NCOA3: variants seen among roughly 807,000 people sequenced by gnomAD.
NCOA3 encodes nuclear receptor coactivator 3.
In NCOA3, 51 loss-of-function variants were observed where a neutral mutation model predicts 158.8. The observed-to-expected ratio is 0.32, with a 90% CI of 0.26 to 0.41. NCOA3 has a LOEUF of 0.41. Among genes scored for constraint, NCOA3 ranks in the 10% least tolerant of loss-of-function variants. The probability of loss-of-function intolerance (pLI) is 1.00; values close to 1 mark genes in which losing one functional copy is unlikely to be tolerated. For missense variants in NCOA3, 1,510 were observed against 1,746.6 expected, an observed-to-expected ratio of 0.86 and a Z score of 2.41; for synonymous variants, 537 against 592.4, an observed-to-expected ratio of 0.91 and a Z score of 1.36.
chr20:47,541,280 A>C (rs1352377352), intron 1 of NCOA3, among the ~76,000 whole-genome samples: 1 of 148,210 alleles, frequency 6.7e-6, no homozygotes, highest in Admixed American at 6.9e-5. Context: ...GGGTGGAAAC[A>C]AGCATTAATC....
At chr20:47,554,116 T>C (rs2084965474) in intron 1 of NCOA3, among the ~76,000 whole-genome samples, 1 of 152,336 alleles carries the variant, frequency 6.6e-6, no homozygotes, top group South Asian at 2.1e-4. Context: ...TGGTATCTCA[T>C]TGTGGTTTTG....
At chr20:47,646,928 G>C (rs1397651362) in intron 17 of NCOA3, 145 bp from the exon 18 acceptor site, 2 of 671,450 alleles carry the variant, frequency 3.0e-6, no homozygotes, top group African/African-American at 3.6e-5. Flanking sequence ...TCCTTAGCAT[G>C]TAGAGAAGTG....
At chr20:47,517,430 C>CT (rs1283861824) in intron 1 of NCOA3, among the ~76,000 whole-genome samples, 3 of 148,114 alleles carry the variant, frequency 2.0e-5, no homozygotes, top group Non-Finnish European at 4.5e-5. Flanking sequence ...ACATTTTCTT[C>CT]TTTTTTTCTT....
chr20:47,503,294 T>A (rs1176704166), intron 1 of NCOA3, among the ~76,000 whole-genome samples: 2 of 152,242 alleles, frequency 1.3e-5, no homozygotes, highest in East Asian at 3.8e-4. Flanking sequence ...CAGCGAATGC[T>A]GCACAAACGA....
At chr20:47,581,821 A>G (rs773068373) in intron 1 of NCOA3, among the ~76,000 whole-genome samples, 10 of 152,210 alleles carry the variant, frequency 6.6e-5, no homozygotes, top group Admixed American at 2.6e-4. Flanking sequence ...ATTGTAGATT[A>G]TTTTGAAGAA....
intron 1 of NCOA3, among the ~76,000 whole-genome samples, chr20:47,546,555 GAAT>G (rs1568671562): frequency 1.5e-5 from 2 of 131,728 alleles, no homozygotes; most frequent in South Asian, 4.9e-4. Context: ...TTTTAAGACC[GAAT>G]TTCCCTCTTG....
chr20:47,586,990 G>C (rs991976393), intron 2 of NCOA3, among the ~76,000 whole-genome samples: 3 of 152,188 alleles, frequency 2.0e-5, no homozygotes, highest in African/African-American at 7.2e-5. Context: ...TAAGCAGCTT[G>C]TGGGGAAACA....
chr20:47,577,861 A>T (rs945107655), intron 1 of NCOA3, among the ~76,000 whole-genome samples: 1 of 152,234 alleles, frequency 6.6e-6, no homozygotes, highest in African/African-American at 2.4e-5. Context: ...CTAAATGTTT[A>T]ATTTATTAAA....
In NCOA3 at chr20:47,625,784, T is replaced by G. The variant is rs552030409; in HGVS notation, c.357+303T>G. Among the ~76,000 whole-genome samples, 8 of 152,212 alleles carry G rather than the reference T, an allele frequency of 5.3e-5. No homozygotes were observed. The South Asian group carries it at 1.7e-3, about 32-fold the overall frequency. ...GTAGCCTGTAATTTCACAGAGATAT[T>G]TGGGTACAAATGGCCCTTCATATCC... On this transcript the variant is annotated intron_variant, in intron 5 of 22. Coordinates refer to ENST00000371998, the MANE Select transcript of NCOA3 (RefSeq NM_181659.3).
At chr20:47,612,037 G>T (rs2086053920) in intron 2 of NCOA3, among the ~76,000 whole-genome samples, 1 of 152,146 alleles carries the variant, frequency 6.6e-6, no homozygotes, top group South Asian at 2.1e-4. Flanking sequence ...ACTTTGCCCA[G>T]GCTGGTCTTG....
chr20:47,651,366 A>G (rs1465900005), intron 20 of NCOA3, 90 bp downstream of exon 20: 1 of 1,507,522 alleles, frequency 6.6e-7, no homozygotes, highest in African/African-American at 1.4e-5. Context: ...AAAGACAAAA[A>G]CACGATTCAC....
intron 19 of NCOA3, among the ~76,000 whole-genome samples, chr20:47,649,389 A>G (rs974184549): frequency 1.3e-5 from 2 of 152,214 alleles, no homozygotes; most frequent in African/African-American, 4.8e-5. Context: ...GAGAACAGCT[A>G]TCACTTGGCT....
chr20:47,623,193 T>A (rs1217097517), intron 3 of NCOA3, among the ~76,000 whole-genome samples: 1 of 152,210 alleles, frequency 6.6e-6, no homozygotes, highest in African/African-American at 2.4e-5. Context: ...AAAGTCAGTG[T>A]CAATTGAAGT....
At chr20:47,630,901 A>G (rs1296393576) in intron 8 of NCOA3, 1 of 152,798 alleles carries the variant, frequency 6.5e-6, no homozygotes, top group Non-Finnish European at 1.5e-5. Flanking sequence ...TGCTGAGCAT[A>G]AGAGATTGCC....
At chr20:47,632,680 C>G (rs910376453) in intron 8 of NCOA3, among the ~76,000 whole-genome samples, 3 of 124,444 alleles carry the variant, frequency 2.4e-5, no homozygotes, top group African/African-American at 9.8e-5. Flanking sequence ...GCCACTGTTG[C>G]TGGCCCGAGT....
At chr20:47,592,025 C>A (rs1044359113) in intron 2 of NCOA3, among the ~76,000 whole-genome samples, 1 of 152,104 alleles carries the variant, frequency 6.6e-6, no homozygotes, top group Admixed American at 6.6e-5. Flanking sequence ...GGACTCCAAT[C>A]ATACTTGCTA....
At position 47,637,792 on chromosome 20, in the gene NCOA3, G is replaced by T. The variant is rs186289562; in HGVS notation, c.2512+9G>T. The T allele has an allele frequency of 1.9e-6, 3 of 1,567,222 alleles. No homozygotes were observed. In the East Asian group the frequency reaches 6.8e-5, roughly 36 times the overall value. ...AGGAACTAATTCTCTGGGTAAGAATGAACTAGGTTTTTTTTTTTTTTGCTG... is the reference window on the plus strand; with the variant it reads ...AGGAACTAATTCTCTGGGTAAGAATTAACTAGGTTTTTTTTTTTTTTGCTG... On this transcript the variant is annotated intron_variant, in intron 13 of 22. Transcript: ENST00000371998.
At chr20:47,512,105 G>A (rs926117861) in intron 1 of NCOA3, among the ~76,000 whole-genome samples, 5 of 151,556 alleles carry the variant, frequency 3.3e-5, no homozygotes, top group Non-Finnish European at 7.4e-5. Flanking sequence ...GCTTAAAGCC[G>A]GAAGTTAAAG....
At chr20:47,650,679 C>T (rs1426959603) in intron 19 of NCOA3, among the ~76,000 whole-genome samples, 1 of 151,900 alleles carries the variant, frequency 6.6e-6, no homozygotes, top group African/African-American at 2.4e-5. Context: ...GCCTGGCTAA[C>T]ATGGTGAAGC....
Sources: allele counts gnomAD v4.1 joint callset (sites outside exome capture counted in the v4.1 genomes callset), GRCh38; gene constraint gnomAD v4.1.1; transcripts MANE v1.5; gene names NCBI Gene and HGNC (gene_info 2026-07-23, HGNC 2026-07-21).